Variants in NACC1 observed in about 807,000 individuals in gnomAD.
NACC1 encodes the protein nucleus accumbens associated 1, also known as nucleus accumbens-associated protein 1.
In NACC1, 6 loss-of-function variants were observed where a neutral mutation model predicts 41.7. That is an observed-to-expected ratio of 0.14 (90% CI 0.08 to 0.28). The LOEUF (loss-of-function observed/expected upper bound fraction) is 0.28. Among genes scored for constraint, NACC1 ranks in the 10% least tolerant of loss-of-function variants. The pLI, the probability that NACC1 is intolerant of heterozygous loss-of-function variation, is 1.00. For synonymous variants in NACC1, 338 were observed against 330.6 expected (o/e 1.02, Z -0.24); for missense variants, 434 against 763.7 (o/e 0.57, Z 5.09).
chr19:13,121,438 C>T (rs2019491594), intron 1 of NACC1, among the ~76,000 whole-genome samples: 1 of 152,146 alleles, frequency 6.6e-6, no homozygotes, highest in Non-Finnish European at 1.5e-5. Context: ...AGTTCAGAAC[C>T]CCTTGGCCTG....
chr19:13,137,207 G>T lies in NACC1; in HGVS notation c.1121-64G>T, dbSNP rs779028578. On this transcript the variant is annotated intron_variant, in intron 3 of 5. Transcript: ENST00000292431. This position sits in a 1 kb window ranked among gnomAD's most constrained non-coding sequence, Gnocchi z 6.1. ...CCTGGGGTGTTCTGAGATGAGGCCT[G>T]GTATCATGGGGGCTGTGGCGGTTTG... The T allele has an allele frequency of 8.0e-6, 12 of 1,504,070 alleles. No individual in the cohort carries two copies. In the African/African-American group the frequency reaches 1.5e-4, roughly 19 times the overall value. 93.2% of individuals were successfully genotyped at this position (1,504,070 alleles called of 1,614,324 possible).
intron 1 of NACC1, among the ~76,000 whole-genome samples, chr19:13,118,718 C>G (rs1428021337): frequency 7.3e-6 from 1 of 137,558 alleles, no homozygotes; most frequent in Non-Finnish European, 1.6e-5. Flanking sequence ...CAGGTCGGGC[C>G]GGGGCAGGTA....
chr19:13,134,405 C>T (rs772567604), intron 1 of NACC1, among the ~76,000 whole-genome samples: 1 of 150,828 alleles, frequency 6.6e-6, no homozygotes, highest in Non-Finnish European at 1.5e-5. Context: ...CAGTCTTACT[C>T]TATGCCCCAG....
chr19:13,123,635 C>G (rs1401527589), intron 1 of NACC1, among the ~76,000 whole-genome samples: 3 of 152,158 alleles, frequency 2.0e-5, no homozygotes, highest in Admixed American at 2.0e-4. Flanking sequence ...CTCAGACAGG[C>G]AGAAGACCCT....
intron 1 of NACC1, among the ~76,000 whole-genome samples, chr19:13,134,725 T>C (rs2019676993): frequency 1.3e-5 from 2 of 152,238 alleles, no homozygotes; most frequent in Admixed American, 6.5e-5. Context: ...TTGAAGGGCA[T>C]GTGCCCAGCA....
rs2019684907 is a variant in NACC1 at position 13,135,225 on chromosome 19, G to C, written c.18G>C (p.Gln6His). 1 of 1,607,742 alleles carries C rather than the reference G, an allele frequency of 6.2e-7. No individual in the cohort carries two copies. The highest frequency in any genetic ancestry group is 1.7e-5 in the Admixed American group (1 of 59,370). ...CCGCTGCCATGGCCCAGACACTGCA[G>C]ATGGAGATCCCGAACTTCGGCAACA... The part of the protein sequence containing the change: MAQTL[Q>H]MEIPNFGNSI... The change falls in exon 2 of 6, where the codon CAG (glutamine) becomes CAC (histidine). Residue 6 changes from glutamine to histidine, a missense_variant. This residue lies in a region of NACC1 where 67 missense variants were observed against 180.1 expected (regional missense o/e 0.37). Coordinates refer to ENST00000292431, the MANE Select transcript of NACC1 (RefSeq NM_052876.4).
chr19:13,117,881 G>A (rs4302161), upstream of NACC1, among the ~76,000 whole-genome samples: 51,639 of 152,054 alleles, frequency 0.34, 9,110 homozygotes, highest in African/African-American at 0.38. Flanking sequence ...TGTGTCTGTA[G>A]CAGTTCTCAC....
chr19:13,132,408 T>TAA (rs34652828), intron 1 of NACC1: 222 of 114,648 alleles, frequency 1.9e-3, no homozygotes, highest in Admixed American at 3.2e-3. Context: ...GACTCTGTCT[T>TAA]AAAAAAAAAA....
chr19:13,124,407 G>GA (rs567659345), intron 1 of NACC1, among the ~76,000 whole-genome samples: 45 of 150,346 alleles, frequency 3.0e-4, no homozygotes, highest in Non-Finnish European at 4.9e-4. Context: ...CAACAAAAAA[G>GA]AAAAAAAAAT....
chr19:13,134,184 TA>T (rs933433114), intron 1 of NACC1, among the ~76,000 whole-genome samples: 1 of 151,836 alleles, frequency 6.6e-6, no homozygotes, highest in African/African-American at 2.4e-5. Context: ...ACACCCTCCC[TA>T]GTAGCTGGGA....
intron 1 of NACC1, among the ~76,000 whole-genome samples, chr19:13,126,553 G>A (rs951828754): frequency 6.6e-6 from 1 of 152,082 alleles, no homozygotes; most frequent in African/African-American, 2.4e-5. Context: ...CCTAAGAGCT[G>A]ACAGTTACTA....
Position 13,140,882 on chromosome 19 carries a change from A to G in NACC1, c.*2476A>G, listed in dbSNP as rs932388516. The G allele has an allele frequency of 6.6e-6, 1 of 152,622 alleles. No homozygotes were observed. Among genetic ancestry groups the G allele is most frequent in the African/African-American group, 2.4e-5 (1 of 41,366 alleles). The allele number at this position is 152,622 out of a possible 1,614,324, so 9.5% of individuals were successfully genotyped here. A position where few individuals can be genotyped will look rare whatever the true frequency, so the allele number is the denominator to read the frequency against. Reference sequence around the variant, plus strand: ...TGGAGAATCACCAACCACCAGAGAAAAAAGACTGTGGGGCCCTCCCCTGCC... The same window carrying G: ...TGGAGAATCACCAACCACCAGAGAAGAAAGACTGTGGGGCCCTCCCCTGCC... On this transcript the variant is annotated 3_prime_UTR_variant, in exon 6 of 6. Transcript: ENST00000292431. The surrounding 1 kb of genome is among the most constrained non-coding windows in gnomAD (Gnocchi z 4.0).
In NACC1 at chr19:13,124,988, C is replaced by T. The variant is rs533016932; in HGVS notation, c.-9+6534C>T. ...GGAGGTCCTGAGAACATATGTCTCTCGTCTTTGCAAAAAATTGTTTTAATT... is the reference window on the plus strand; with the variant it reads ...GGAGGTCCTGAGAACATATGTCTCTTGTCTTTGCAAAAAATTGTTTTAATT... On this transcript the variant is annotated intron_variant, in intron 1 of 5. Coordinates refer to ENST00000292431, the MANE Select transcript of NACC1 (RefSeq NM_052876.4). Among the ~76,000 whole-genome samples the T allele has an allele frequency of 4.7e-4, 71 of 152,196 alleles. 1 individual carries two copies. Among genetic ancestry groups the T allele is most frequent in the South Asian group, 2.1e-4 (1 of 4,820 alleles).
Position 13,138,093 on chromosome 19 carries a change from C to T in NACC1, c.1325-54C>T. The T allele has an allele frequency of 6.3e-7, 1 of 1,595,700 alleles. No individual in the cohort carries two copies. The highest frequency in any genetic ancestry group is 8.6e-7 in the Non-Finnish European group (1 of 1,169,036). On this transcript the variant is annotated intron_variant, in intron 5 of 5. Coordinates refer to ENST00000292431, the MANE Select transcript of NACC1 (RefSeq NM_052876.4). The surrounding 1 kb of genome is among the most constrained non-coding windows in gnomAD (Gnocchi z 5.7). Reference sequence around the variant, plus strand: ...GCTGTAGGGGAGCTGGTGAGTAGGCCTTGTGGGAGTCACCTGGCCCCCGTG... The same window carrying T: ...GCTGTAGGGGAGCTGGTGAGTAGGCTTTGTGGGAGTCACCTGGCCCCCGTG...
chr19:13,138,517 TG>T lies in NACC1; in HGVS notation c.*112del. ...CCTCCCCAGGACCCGCGGTGGGTGCTGCATGTTCCCGGCCCTCTGCCCCTCC... is the reference window on the plus strand; with the variant it reads ...CCTCCCCAGGACCCGCGGTGGGTGCTCATGTTCCCGGCCCTCTGCCCCTCC... On this transcript the variant is annotated 3_prime_UTR_variant, in exon 6 of 6. Transcript: ENST00000292431. This position sits in a 1 kb window ranked among gnomAD's most constrained non-coding sequence, Gnocchi z 5.7. 6.9e-7 allele frequency: 1 copy of T among 1,456,890 alleles called. No individual in the cohort carries two copies. Among genetic ancestry groups the T allele is most frequent in the Admixed American group, 2.0e-5 (1 of 49,868 alleles). The allele number at this position is 1,456,890 out of a possible 1,614,324, so 90.2% of individuals were successfully genotyped here. A position where few individuals can be genotyped will look rare whatever the true frequency, so the allele number is the denominator to read the frequency against.
At chr19:13,127,715 G>A (rs1369560808) in intron 1 of NACC1, among the ~76,000 whole-genome samples, 1 of 151,682 alleles carries the variant, frequency 6.6e-6, no homozygotes, top group Non-Finnish European at 1.5e-5. Flanking sequence ...TTAGCTGGAT[G>A]TAGCTCCTGT....
chr19:13,128,135 T>C (rs745708768), intron 1 of NACC1, among the ~76,000 whole-genome samples: 1 of 152,064 alleles, frequency 6.6e-6, no homozygotes, highest in Non-Finnish European at 1.5e-5. Context: ...CCTGAAATTG[T>C]TGAGTGGAGG....
Position 13,139,326 on chromosome 19 carries a change from C to T in NACC1, c.*920C>T, listed in dbSNP as rs965018926. On this transcript the variant is annotated 3_prime_UTR_variant, in exon 6 of 6. Coordinates refer to ENST00000292431, the MANE Select transcript of NACC1 (RefSeq NM_052876.4). ...ACAGCAGGGCTCCTGGCCCCCACCC[C>T]CCTGTACATAATTTTTAAAACCTTT... 1 of 152,156 alleles carries T rather than the reference C, an allele frequency of 6.6e-6. No individual in the cohort carries two copies. Among genetic ancestry groups the T allele is most frequent in the Non-Finnish European group, 1.5e-5 (1 of 68,034 alleles). 9.4% of individuals were successfully genotyped at this position (152,156 alleles called of 1,614,324 possible).
rs1189513321 is a variant in NACC1 at position 13,137,133 on chromosome 19, G to C, written c.1121-138G>C. 1.3e-6 allele frequency: 1 copy of C among 747,918 alleles called. No individual in the cohort carries two copies. The highest frequency in any genetic ancestry group is 1.8e-5 in the African/African-American group (1 of 57,032). 46.3% of individuals were successfully genotyped at this position (747,918 alleles called of 1,614,324 possible). On this transcript the variant is annotated intron_variant, in intron 3 of 5. Transcript: ENST00000292431. The surrounding 1 kb of genome is among the most constrained non-coding windows in gnomAD (Gnocchi z 6.1). ...CCTTGGTGGGTAGAGATGTAGGGGAGAAGGTCCCTGGGTGAGTTTTCTTGG... is the reference window on the plus strand; with the variant it reads ...CCTTGGTGGGTAGAGATGTAGGGGACAAGGTCCCTGGGTGAGTTTTCTTGG...
Sources: allele counts gnomAD v4.1 joint callset (sites outside exome capture counted in the v4.1 genomes callset), GRCh38; gene constraint gnomAD v4.1.1; regional missense constraint gnomAD v4.1.1; non-coding constraint Gnocchi (gnomAD v3.1); transcripts MANE v1.5; gene names NCBI Gene and HGNC (gene_info 2026-07-23, HGNC 2026-07-21).